HPSE2: variants seen among roughly 807,000 people sequenced by gnomAD.
HPSE2 encodes the protein heparanase 2 (inactive), also known as inactive heparanase-2.
HPSE2 carries 38 observed loss-of-function variants against 60.5 expected under a neutral mutation model. That is an observed-to-expected ratio of 0.63 (90% CI 0.48 to 0.82). The LOEUF (loss-of-function observed/expected upper bound fraction) is 0.82. Ranked by LOEUF, HPSE2 falls within the 40% of genes least tolerant of loss-of-function variation. The pLI, the probability that HPSE2 is intolerant of heterozygous loss-of-function variation, is 0.00. For missense variants in HPSE2, 713 were observed against 740.4 expected (o/e 0.96, Z 0.43); for synonymous variants, 295 against 293.2 (o/e 1.01, Z -0.06).
chr10:98,869,471 T>C (rs960765174), intron 3 of HPSE2, among the ~76,000 whole-genome samples: 26 of 152,164 alleles, frequency 1.7e-4, no homozygotes, highest in African/African-American at 5.8e-4. Context: ...CCTTTGGTTT[T>C]TGGGAATTAG....
At chr10:98,670,698 G>A (rs1000459514) in intron 6 of HPSE2, among the ~76,000 whole-genome samples, 2 of 152,208 alleles carry the variant, frequency 1.3e-5, no homozygotes, top group African/African-American at 4.8e-5. Flanking sequence ...CTTAGAAACC[G>A]ATGTTATTCA....
rs149657316 is a variant in HPSE2 at position 98,770,273 on chromosome 10, T to C, written c.611-26217A>G. On this transcript the variant is annotated intron_variant, in intron 3 of 11. Coordinates refer to ENST00000370552, the MANE Select transcript of HPSE2 (RefSeq NM_021828.5). Reference sequence around the variant, plus strand: ...TACAAATCCATTCTGAATAAGGAATTATAATACTAATGGAATGGTGGAATC... The same window carrying C: ...TACAAATCCATTCTGAATAAGGAATCATAATACTAATGGAATGGTGGAATC... Among the ~76,000 whole-genome samples the C allele has an allele frequency of 6.2e-3, 938 of 152,330 alleles. 10 individuals are homozygous for C. The highest frequency in any genetic ancestry group is 9.7e-3 in the Non-Finnish European group (657 of 68,024).
intron 3 of HPSE2, among the ~76,000 whole-genome samples, chr10:98,844,609 C>T (rs1398316077): frequency 6.6e-6 from 1 of 152,054 alleles, no homozygotes; most frequent in Non-Finnish European, 1.5e-5. Context: ...CATACTTGAA[C>T]CCATGTCCAC....
At chr10:98,767,206 G>C (rs1950139679) in intron 3 of HPSE2, among the ~76,000 whole-genome samples, 1 of 152,060 alleles carries the variant, frequency 6.6e-6, no homozygotes, top group Non-Finnish European at 1.5e-5. Flanking sequence ...TGTACAAGGA[G>C]ACAAGAACAA....
intron 4 of HPSE2, among the ~76,000 whole-genome samples, chr10:98,727,778 AAC>A (rs1312624036): frequency 6.6e-6 from 1 of 152,182 alleles, no homozygotes; most frequent in African/African-American, 2.4e-5. Context: ...AATTATAAAA[AAC>A]AGTCAAATAA....
chr10:98,540,814 G>A (rs1013867482), intron 9 of HPSE2, among the ~76,000 whole-genome samples: 5 of 152,086 alleles, frequency 3.3e-5, no homozygotes, highest in Non-Finnish European at 7.4e-5. Context: ...GAAGTGCAGA[G>A]CCATTTCAAA....
intron 5 of HPSE2, among the ~76,000 whole-genome samples, chr10:98,712,560 C>G (rs1204287409): frequency 6.6e-6 from 1 of 152,062 alleles, no homozygotes; most frequent in African/African-American, 2.4e-5. Context: ...TTAGACACAA[C>G]TAAAGACAGA....
intron 3 of HPSE2, among the ~76,000 whole-genome samples, chr10:99,138,209 T>C (rs929524203): frequency 3.9e-5 from 6 of 152,186 alleles, no homozygotes; most frequent in African/African-American, 1.4e-4. Context: ...TCACGCCAGT[T>C]AGAATGGTGA....
At chr10:98,722,770 G>A (rs1305714428) in intron 4 of HPSE2, among the ~76,000 whole-genome samples, 1 of 152,072 alleles carries the variant, frequency 6.6e-6, no homozygotes, top group Non-Finnish European at 1.5e-5. Context: ...CATACCCCAG[G>A]AAAGGCCAAC....
At chr10:99,079,427 G>A (rs906093499) in intron 3 of HPSE2, among the ~76,000 whole-genome samples, 1 of 152,094 alleles carries the variant, frequency 6.6e-6, no homozygotes, top group Non-Finnish European at 1.5e-5. Context: ...CAAGACAGAT[G>A]GTAGTCCTTT....
intron 9 of HPSE2, among the ~76,000 whole-genome samples, chr10:98,596,297 A>G (rs1023308760): frequency 1.3e-5 from 2 of 151,650 alleles, no homozygotes; most frequent in South Asian, 4.2e-4. Context: ...TATATTGTGT[A>G]TCCCCTAACA....
intron 3 of HPSE2, among the ~76,000 whole-genome samples, chr10:98,765,158 A>G (rs1950092615): frequency 6.6e-6 from 1 of 152,220 alleles, no homozygotes; most frequent in African/African-American, 2.4e-5. Flanking sequence ...CTATCAACCT[A>G]CTTAACCTAA....
rs769694588 is a variant in HPSE2 at position 99,235,696 on chromosome 10, G to C, written c.107C>G (p.Ser36Cys). ...CCTGTCTCCAGCCTGGGAGGAAAGG[G>C]AGAGATGGAGCAACAGAGCCAAGTA... Reference protein sequence around the residue: ...ALYLALLLHLSLSSQAGDRRP... With the variant: ...ALYLALLLHLCLSSQAGDRRP... Residue 36 changes from serine (S) to cysteine (C), a missense_variant, in exon 1 of 12, where the codon TCC becomes TGC. Transcript: ENST00000370552. 6.2e-7 allele frequency: 1 copy of C among 1,614,076 alleles called. No individual in the cohort carries two copies. The highest frequency in any genetic ancestry group is 8.5e-7 in the Non-Finnish European group (1 of 1,180,024).
intron 2 of HPSE2, among the ~76,000 whole-genome samples, chr10:99,222,123 C>T (rs543629778): frequency 6.6e-6 from 1 of 152,048 alleles, no homozygotes; most frequent in African/African-American, 2.4e-5. Flanking sequence ...AATATAAAGG[C>T]CTTTCCTCTA....
At chr10:98,996,930 G>T (rs1023310639) in intron 3 of HPSE2, among the ~76,000 whole-genome samples, 1 of 152,228 alleles carries the variant, frequency 6.6e-6, no homozygotes, top group South Asian at 2.1e-4. Context: ...AACGTACTGG[G>T]TGCTGATAGT....
chr10:99,148,891 G>A (rs1475438250), intron 2 of HPSE2, among the ~76,000 whole-genome samples: 2 of 152,104 alleles, frequency 1.3e-5, no homozygotes, highest in Admixed American at 6.6e-5. Flanking sequence ...GGCAGGTGAG[G>A]AATGGAAGAC....
chr10:98,567,197 T>G (rs1194322532), intron 9 of HPSE2, among the ~76,000 whole-genome samples: 1 of 152,182 alleles, frequency 6.6e-6, no homozygotes, highest in East Asian at 1.9e-4. Context: ...GGATTCCTAC[T>G]GTAGTGTGAG....
intron 5 of HPSE2, among the ~76,000 whole-genome samples, chr10:98,707,982 T>TA (rs954474069): frequency 2.6e-5 from 4 of 152,088 alleles, no homozygotes; most frequent in Non-Finnish European, 5.9e-5. Flanking sequence ...GAATAAAATT[T>TA]AAAAAACTAT....
chr10:98,595,840 G>C (rs543379143), intron 9 of HPSE2, among the ~76,000 whole-genome samples: 16 of 152,206 alleles, frequency 1.1e-4, no homozygotes, highest in Admixed American at 4.6e-4. Context: ...CTGTGGGTTT[G>C]TCATATATGG....
Sources: allele counts gnomAD v4.1 joint callset (sites outside exome capture counted in the v4.1 genomes callset), GRCh38; gene constraint gnomAD v4.1.1; transcripts MANE v1.5; gene names NCBI Gene and HGNC (gene_info 2026-07-23, HGNC 2026-07-21).